The following CYP3A5 variants were observed in gnomAD, a reference collection of about 807,000 sequenced individuals.
The protein encoded by CYP3A5 is cytochrome P450 3A5.
CYP3A5 carries 51 observed loss-of-function variants against 55.9 expected under a neutral mutation model. The ratio of observed to expected loss-of-function variants is 0.91; its 90% CI spans 0.73 to 1.15. The LOEUF is 1.15. Ranked by LOEUF, CYP3A5 falls within the 50% of genes most tolerant of loss-of-function variation. The pLI is 0.00. For missense variants in CYP3A5, 533 were observed against 596.6 expected (o/e 0.89, Z 1.11); for synonymous variants, 196 against 213.9 (o/e 0.92, Z 0.73).
intron 11 of CYP3A5, among the ~76,000 whole-genome samples, chr7:99,650,580 C>T (rs1004571843): frequency 3.9e-5 from 6 of 152,200 alleles, no homozygotes; most frequent in African/African-American, 1.4e-4. Context: ...AAAGTGGATT[C>T]CTGCCTCAAC....
chr7:99,648,353 G>A lies in CYP3A5; in HGVS notation c.1461C>T (p.Pro487=). The stretch of plus-strand genomic sequence containing the variant: ...CTCTTGAATCCACCTTTAGAACAAT[G>A]GGTTTTTCTGGTTGAAGAAGTCCTT... ...DTQGLLQPEK[P]IVLKVDSRDG... The change falls in exon 13 of 13, where the codon CCC becomes CCT. Residue 487 remains proline (P), a synonymous_variant. Coordinates refer to ENST00000222982, the MANE Select transcript of CYP3A5 (RefSeq NM_000777.5). 6.2e-7 allele frequency: 1 copy of A among 1,611,850 alleles called. No homozygotes were observed. The highest frequency in any genetic ancestry group is 1.1e-5 in the South Asian group (1 of 90,810).
intron 4 of CYP3A5, 50 bp from the exon 5 acceptor site, chr7:99,667,115 A>C (rs1412816800): frequency 1.3e-6 from 2 of 1,526,002 alleles, no homozygotes; most frequent in Non-Finnish European, 1.8e-6. Context: ...GGTGATCTTC[A>C]TGGTTGCACA....
In CYP3A5 at chr7:99,655,019, T is replaced by G. The variant is rs554627398; in HGVS notation, c.1027-2240A>C. 5.4e-4 allele frequency among the ~76,000 whole-genome samples: 83 copies of G among 152,346 alleles called. 1 individual carries two copies. The highest frequency in any genetic ancestry group is 1.9e-3 in the African/African-American group (77 of 41,580). ...GTAGGTTGCAAAAATTTTCTCCCAT[T>G]CTGTCGGTTGCCTGTTCACTCTGAT... On this transcript the variant is annotated intron_variant, in intron 10 of 12. Coordinates refer to ENST00000222982, the MANE Select transcript of CYP3A5 (RefSeq NM_000777.5).
intron 4 of CYP3A5, among the ~76,000 whole-genome samples, chr7:99,667,747 G>A (rs1176900712): frequency 6.6e-6 from 1 of 152,120 alleles, no homozygotes; most frequent in Non-Finnish European, 1.5e-5. Context: ...ACTTCCAGCT[G>A]TCATGATAAA....
Position 99,676,122 on chromosome 7 carries a change from T to C in CYP3A5, c.158A>G (p.Tyr53Cys), listed in dbSNP as rs72552791. 7.4e-6 allele frequency: 12 copies of C among 1,613,418 alleles called. No homozygotes were observed. The highest frequency in any genetic ancestry group is 3.3e-5 in the Admixed American group (2 of 59,998). ...GAAGCTCAAGCAACTCACCTGACGATAGGACAAAACATTTCCCAACAAAGG... is the reference window on the plus strand; with the variant it reads ...GAAGCTCAAGCAACTCACCTGACGACAGGACAAAACATTTCCCAACAAAGG... ...PLPLLGNVLSYRQGLWKFDTE... is the reference protein window; with the variant it reads ...PLPLLGNVLSCRQGLWKFDTE... Residue 53 changes from tyrosine to cysteine, a missense_variant, in exon 2 of 13, where the codon TAT becomes TGT. Tyr to Cys is a radical substitution (Grantham distance 194, BLOSUM62 -2). Coordinates refer to ENST00000222982, the MANE Select transcript of CYP3A5 (RefSeq NM_000777.5).
At chr7:99,649,946 A>T (rs537309311) in intron 12 of CYP3A5, 127 bp downstream of exon 12, 2 of 1,203,168 alleles carry the variant, frequency 1.7e-6, no homozygotes, top group African/African-American at 3.1e-5. Context: ...ATGATCAAAG[A>T]TGGATCCAAG....
At chr7:99,660,738 T>C in intron 9 of CYP3A5, 79 bp from the exon 10 acceptor site, 1 of 1,517,558 alleles carries the variant, frequency 6.6e-7, no homozygotes, top group Non-Finnish European at 9.0e-7. Context: ...TAAGTGAAGC[T>C]CTCTAATCCC....
chr7:99,671,021 C>G (rs1346140633), intron 4 of CYP3A5: 1 of 152,078 alleles, frequency 6.6e-6, no homozygotes, highest in Non-Finnish European at 1.5e-5. Context: ...TTGAAAGACC[C>G]TCTGAATGGG....
chr7:99,652,847 T>C, intron 10 of CYP3A5, 68 bp from the exon 11 acceptor site: 1 of 1,203,694 alleles, frequency 8.3e-7, no homozygotes, highest in Non-Finnish European at 1.2e-6. Context: ...GTCCATGCAG[T>C]ACTATTGAAG....
Position 99,652,734 on chromosome 7 carries a change from T to G in CYP3A5, c.1072A>C (p.Met358Leu), listed in dbSNP as rs369060445. Residue 358 changes from methionine (M) to leucine (L), a missense_variant, in exon 11 of 13, where the codon ATG becomes CTG. By Grantham distance (15) the Met-to-Leu change is conservative. Coordinates refer to ENST00000222982, the MANE Select transcript of CYP3A5 (RefSeq NM_000777.5). ...DAVVQMEYLD[M>L]VVNETLRLFP... ...AATCTGAGTGTTTCATTCACCACCA[T>G]GTCAAGGTACTCCATCTGTACCACG... 3.1e-6 allele frequency: 5 copies of G among 1,613,994 alleles called. No individual in the cohort carries two copies. The highest frequency in any genetic ancestry group is 4.2e-6 in the Non-Finnish European group (5 of 1,180,008).
At chr7:99,677,349 G>GA (rs577045032) in intron 1 of CYP3A5, 4 of 617,212 alleles carry the variant, frequency 6.5e-6, no homozygotes, top group Non-Finnish European at 6.1e-6. Context: ...AAATGTGGCT[G>GA]AAAAAGATGA....
chr7:99,663,494 A>G, intron 8 of CYP3A5: 4 of 990,716 alleles, frequency 4.0e-6, no homozygotes, highest in Non-Finnish European at 4.8e-6. Context: ...TGTTCACTCC[A>G]GGCTGTGAAA....
At chr7:99,665,385 A>C in intron 6 of CYP3A5, 71 bp from the exon 7 acceptor site, 1 of 1,569,364 alleles carries the variant, frequency 6.4e-7, no homozygotes, top group Admixed American at 1.7e-5. Flanking sequence ...ATGCAGCAAG[A>C]AACCCACATA....
intron 10 of CYP3A5, among the ~76,000 whole-genome samples, chr7:99,656,277 G>GT (rs1422938751): frequency 2.6e-5 from 4 of 152,204 alleles, no homozygotes; most frequent in African/African-American, 9.6e-5. Flanking sequence ...TTTATTCAGA[G>GT]TTTTTAGCAT....
At chr7:99,663,067 T>A (rs1478017638) in intron 8 of CYP3A5, 185 bp from the exon 9 acceptor site, 2 of 1,335,324 alleles carry the variant, frequency 1.5e-6, no homozygotes, top group Non-Finnish European at 9.6e-7. Context: ...GAAAGCAGGA[T>A]GTTTTCCTGA....
In CYP3A5 at chr7:99,650,207, C is replaced by G. The variant is rs1461997595; in HGVS notation, c.1279G>C (p.Asp427His). Reference protein sequence around the residue: ...ERFSKKKDSIDPYIYTPFGTG... With the variant: ...ERFSKKKDSIHPYIYTPFGTG... The stretch of plus-strand genomic sequence containing the variant: ...CCAAAGGGTGTGTATATGTAAGGAT[C>G]TATGCTGTCCTTCTTCTTACTGAAC... Residue 427 changes from aspartate to histidine, a missense_variant, in exon 12 of 13, where the codon GAT becomes CAT. Physicochemically the swap from Asp to His is moderately conservative, Grantham distance 81. Coordinates refer to ENST00000222982, the MANE Select transcript of CYP3A5 (RefSeq NM_000777.5). The G allele has an allele frequency of 1.2e-6, 2 of 1,613,728 alleles. No homozygotes were observed. Among genetic ancestry groups the G allele is most frequent in the Non-Finnish European group, 1.7e-6 (2 of 1,179,852 alleles).
At chr7:99,651,619 A>G (rs1173321569) in intron 11 of CYP3A5, among the ~76,000 whole-genome samples, 1 of 152,224 alleles carries the variant, frequency 6.6e-6, no homozygotes, top group Non-Finnish European at 1.5e-5. Flanking sequence ...GGTTCCTCCC[A>G]TCAGCAAACT....
At chr7:99,656,997 T>G (rs547565501) in intron 10 of CYP3A5, among the ~76,000 whole-genome samples, 1 of 152,220 alleles carries the variant, frequency 6.6e-6, no homozygotes, top group East Asian at 1.9e-4. Context: ...CTTGCTAGCA[T>G]TCTATCAATT....
In CYP3A5 at chr7:99,664,294, A is replaced by T. The variant is rs765523722; in HGVS notation, c.671-199T>A. The stretch of plus-strand genomic sequence containing the variant: ...GTCTATACATAGGAAACACCACTAC[A>T]GCAGTGAGATCAATGGCACCTTCTG... On this transcript the variant is annotated intron_variant, in intron 7 of 12. Transcript: ENST00000222982. Among the ~76,000 whole-genome samples the T allele has an allele frequency of 1.1e-4, 16 of 152,344 alleles. No individual in the cohort carries two copies. The South Asian group carries it at 1.9e-3, about 18-fold the overall frequency.
Sources: allele counts gnomAD v4.1 joint callset (sites outside exome capture counted in the v4.1 genomes callset), GRCh38; gene constraint gnomAD v4.1.1; transcripts MANE v1.5; gene names NCBI Gene and HGNC (gene_info 2026-07-23, HGNC 2026-07-21).